The following TEX29 variants were observed in gnomAD, a reference collection of about 807,000 sequenced individuals.
TEX29 encodes testis-expressed protein 29.
In TEX29, 26 loss-of-function variants were observed where a neutral mutation model predicts 18.2. The observed-to-expected ratio is 1.43, with a 90% CI of 1.04 to 1.98. The LOEUF (loss-of-function observed/expected upper bound fraction) is 1.98. TEX29 is among the 30% of genes most tolerant of loss of function. The probability of loss-of-function intolerance (pLI) is 0.00; values close to 1 mark genes in which losing one functional copy is unlikely to be tolerated. For synonymous variants in TEX29, 83 were observed against 78.5 expected (o/e 1.06, Z -0.31); for missense variants, 177 against 194.2 (o/e 0.91, Z 0.53).
At chr13:111,343,951 C>T (rs2093700735) in intron 5 of TEX29, 132 bp from the exon 6 acceptor site, 1 of 749,970 alleles carries the variant, frequency 1.3e-6, no homozygotes, top group Non-Finnish European at 2.3e-6. Flanking sequence ...ACGGCCATCC[C>T]CAAAACTGGC....
intron 3 of TEX29, among the ~76,000 whole-genome samples, chr13:111,329,083 A>C (rs2093678742): frequency 6.6e-6 from 1 of 152,168 alleles, no homozygotes; most frequent in South Asian, 2.1e-4. Flanking sequence ...TCTCATTTCC[A>C]AACCCTCATC....
chr13:111,319,884 A>G (rs546765988), upstream of TEX29, among the ~76,000 whole-genome samples: 1 of 152,176 alleles, frequency 6.6e-6, no homozygotes, highest in East Asian at 1.9e-4. Flanking sequence ...CCTGCTCACA[A>G]ACCTCCCGAC....
In TEX29 at chr13:111,339,725, G is replaced by A. The variant is rs1443613755; in HGVS notation, c.170-138G>A. The A allele has an allele frequency of 2.4e-5, 18 of 740,222 alleles. No homozygotes were observed. In the Admixed American group the frequency reaches 3.7e-4, roughly 15 times the overall value. The allele number at this position is 740,222 out of a possible 1,614,324, so 45.9% of individuals were successfully genotyped here. ...CTGAGTCTCCAGGAGACGCTGGGGA[G>A]GGTGGGTGAGGAGTGCTGACCATGG... On this transcript the variant is annotated intron_variant, in intron 3 of 5. Coordinates refer to ENST00000283547, the MANE Select transcript of TEX29 (RefSeq NM_152324.3).
At chr13:111,333,906 A>G (rs2153641808) in intron 3 of TEX29, among the ~76,000 whole-genome samples, 1 of 152,338 alleles carries the variant, frequency 6.6e-6, no homozygotes, top group South Asian at 2.1e-4. Context: ...TTGACATGTG[A>G]GAATTACAAT....
intron 3 of TEX29, among the ~76,000 whole-genome samples, chr13:111,335,414 C>T (rs1440475683): frequency 3.3e-5 from 5 of 152,212 alleles, no homozygotes; most frequent in Non-Finnish European, 7.3e-5. Flanking sequence ...AGCAGCTCGT[C>T]CTCTGAGGCA....
chr13:111,328,901 C>T (rs902723201), intron 3 of TEX29, among the ~76,000 whole-genome samples: 2 of 152,226 alleles, frequency 1.3e-5, no homozygotes, highest in Non-Finnish European at 2.9e-5. Flanking sequence ...CCCGTGAAGG[C>T]TTCCGGAGGG....
At chr13:111,321,969 G>C (rs1567157671) in intron 2 of TEX29, among the ~76,000 whole-genome samples, 1 of 152,220 alleles carries the variant, frequency 6.6e-6, no homozygotes, top group African/African-American at 2.4e-5. Flanking sequence ...AAACAAATTA[G>C]ATTGTTTTGG....
chr13:111,317,272 G>T (rs537975869), upstream of TEX29, among the ~76,000 whole-genome samples: 1 of 152,166 alleles, frequency 6.6e-6, no homozygotes, highest in South Asian at 2.1e-4. Flanking sequence ...CTCTGAGGCC[G>T]TAGGGGTGAG....
intron 3 of TEX29, among the ~76,000 whole-genome samples, chr13:111,334,924 G>A (rs1027349528): frequency 5.9e-5 from 9 of 152,192 alleles, no homozygotes; most frequent in African/African-American, 2.2e-4. Flanking sequence ...ATTACAGGCT[G>A]TTGATTTTCA....
intron 3 of TEX29, among the ~76,000 whole-genome samples, chr13:111,335,499 TC>T (rs540544089): frequency 3.9e-4 from 59 of 152,366 alleles, no homozygotes; most frequent in African/African-American, 1.3e-3. Flanking sequence ...TTGGCACTTG[TC>T]ATCATCTTGT....
At chr13:111,339,826 C>T (rs1374051312) in intron 3 of TEX29, 37 bp from the exon 4 acceptor site, 2 of 1,604,296 alleles carry the variant, frequency 1.2e-6, no homozygotes, top group South Asian at 2.2e-5. Context: ...TTCTATTTAC[C>T]TGGATCGAAA....
rs559346611 is a variant in TEX29, at chr13:111,334,890, T to C, written c.170-4973T>C. ...ACCCTGTTCTGCCCGCTGCAGTGGCTGCCAGGCTGCTGGCTTTACCATGAT... is the reference window on the plus strand; with the variant it reads ...ACCCTGTTCTGCCCGCTGCAGTGGCCGCCAGGCTGCTGGCTTTACCATGAT... On this transcript the variant is annotated intron_variant, in intron 3 of 5. Transcript: ENST00000283547. Among the ~76,000 whole-genome samples, 13 of 152,312 alleles carry C rather than the reference T, an allele frequency of 8.5e-5. No homozygotes were observed. In the East Asian group the frequency reaches 2.3e-3, roughly 27 times the overall value.
At chr13:111,323,641 G>A (rs936685918) in intron 2 of TEX29, among the ~76,000 whole-genome samples, 3 of 151,588 alleles carry the variant, frequency 2.0e-5, no homozygotes, top group African/African-American at 7.3e-5. Flanking sequence ...CCCGGGATCT[G>A]TGGTCCTGCA....
chr13:111,320,120 A>G (rs1422636760), upstream of TEX29, among the ~76,000 whole-genome samples: 1 of 152,064 alleles, frequency 6.6e-6, no homozygotes, highest in Non-Finnish European at 1.5e-5. Flanking sequence ...AGCCCCAGAC[A>G]CACCTTCCTC....
chr13:111,326,489 G>GGCGC (rs2093673728), intron 2 of TEX29, among the ~76,000 whole-genome samples: 1 of 148,402 alleles, frequency 6.7e-6, no homozygotes. Context: ...GTGCGAGCCT[G>GGCGC]TCTGGTGGGG....
At chr13:111,343,167 C>T (rs1172295111) in intron 5 of TEX29, among the ~76,000 whole-genome samples, 1 of 152,194 alleles carries the variant, frequency 6.6e-6, no homozygotes. Flanking sequence ...CCTTCCCATC[C>T]CCTTTTGCCT....
chr13:111,322,103 G>A (rs909814632), intron 2 of TEX29, among the ~76,000 whole-genome samples: 3 of 152,236 alleles, frequency 2.0e-5, no homozygotes, highest in East Asian at 1.9e-4. Context: ...GGGACAGGGC[G>A]GCCCAGGTGC....
upstream of TEX29, among the ~76,000 whole-genome samples, chr13:111,316,932 G>A (rs1383974395): frequency 6.6e-6 from 1 of 152,124 alleles, no homozygotes; most frequent in Non-Finnish European, 1.5e-5. Context: ...AGAAGGTAAG[G>A]AAGTGCCACA....
chr13:111,339,922 A>G lies in TEX29; in HGVS notation c.229A>G (p.Ile77Val). Residue 77 changes from isoleucine to valine, a missense_variant, in exon 4 of 6, where the codon ATC (isoleucine) becomes GTC (valine). Coordinates refer to ENST00000283547, the MANE Select transcript of TEX29 (RefSeq NM_152324.3). ...VIIAGAFVIT[I>V]IYRVIQESRK... ...CATCGCTGGGGCCTTCGTCATCACC[A>G]TCATCTACAGGTCGGTCCCTTTGTT... The G allele has an allele frequency of 1.2e-6, 2 of 1,607,690 alleles. No homozygotes were observed. The highest frequency in any genetic ancestry group is 1.7e-6 in the Non-Finnish European group (2 of 1,176,814).
Sources: gnomAD v4.1 joint callset for allele counts (sites outside exome capture counted in the v4.1 genomes callset) on GRCh38, gnomAD v4.1.1 for gene constraint, MANE v1.5 for transcripts, NCBI Gene and HGNC (gene_info 2026-07-23, HGNC 2026-07-21) for gene names.